Variants in LOC114841035 observed in about 807,000 individuals in gnomAD.
the LOC114841035 span, chr11:64,243,523 G>T: frequency 6.2e-7 from 1 of 1,612,822 alleles, no homozygotes; most frequent in Non-Finnish European, 8.5e-7. Flanking sequence ...TGAGGGTGCA[G>T]AGCGAGTTTG....
the LOC114841035 span, chr11:64,243,778 C>T: frequency 2.5e-6 from 4 of 1,600,894 alleles, no homozygotes; most frequent in Non-Finnish European, 3.4e-6. Flanking sequence ...GAACACTCTC[C>T]CTTTGCCCAC....
At chr11:64,243,594 A>G in the LOC114841035 span, 9 of 1,448,752 alleles carry the variant, frequency 6.2e-6, no homozygotes, top group African/African-American at 1.4e-5. Flanking sequence ...CACCGTATCC[A>G]TTCATTACAA....
chr11:64,242,147 G>A, the LOC114841035 span: 1 of 456,982 alleles, frequency 2.2e-6, no homozygotes, highest in Non-Finnish European at 3.9e-6. Context: ...CCTGGCTGCT[G>A]TGGCCTCCCC....
the LOC114841035 span, chr11:64,243,201 G>A: frequency 6.2e-7 from 1 of 1,613,630 alleles, no homozygotes; most frequent in Non-Finnish European, 8.5e-7. Flanking sequence ...TTCCACAGGG[G>A]AAGCTGGAAG....
chr11:64,242,275 G>T, the LOC114841035 span: 1 of 1,130,232 alleles, frequency 8.8e-7, no homozygotes, highest in Non-Finnish European at 1.2e-6. Flanking sequence ...GGATCCCCCG[G>T]GGCAAGGAAG....
chr11:64,243,268 G>C, the LOC114841035 span: 1 of 1,612,082 alleles, frequency 6.2e-7, no homozygotes, highest in Non-Finnish European at 8.5e-7. Context: ...CTTCTCCCTT[G>C]GCACAGGCCA....
At chr11:64,241,152 C>G in the LOC114841035 span, 1 of 152,080 alleles carries the variant, frequency 6.6e-6, no homozygotes, top group African/African-American at 2.4e-5. Flanking sequence ...GGCCACAGCC[C>G]GGGCTGGGGG....
chr11:64,241,915 T>C, the LOC114841035 span: 1 of 153,826 alleles, frequency 6.5e-6, no homozygotes, highest in Non-Finnish European at 1.5e-5. Context: ...CCAGTGGGGA[T>C]GTGTGGGTGC....
the LOC114841035 span, chr11:64,242,117 G>T: frequency 4.8e-6 from 2 of 419,344 alleles, no homozygotes; most frequent in Non-Finnish European, 4.3e-6. Flanking sequence ...AAGGTATGGG[G>T]GTGAGCAAAG....
chr11:64,243,023 G>C, the LOC114841035 span, among the ~76,000 whole-genome samples: 1 of 152,090 alleles, frequency 6.6e-6, no homozygotes, highest in South Asian at 2.1e-4. Flanking sequence ...AGGGAGGCGA[G>C]ATCACGCCGC....
chr11:64,242,292 T>C, the LOC114841035 span: 1 of 1,242,440 alleles, frequency 8.0e-7, no homozygotes, highest in Non-Finnish European at 1.1e-6. Context: ...GAAGATACAG[T>C]GGCGGTGGAA....
chr11:64,243,562 G>T, the LOC114841035 span: 20 of 1,583,678 alleles, frequency 1.3e-5, no homozygotes, highest in Non-Finnish European at 1.7e-5. Context: ...GGTGAAAGCT[G>T]CTTCAGCTTT....
the LOC114841035 span, chr11:64,242,634 C>G: frequency 6.9e-7 from 1 of 1,451,964 alleles, no homozygotes; most frequent in Non-Finnish European, 9.2e-7. Flanking sequence ...GTCTGGTTCT[C>G]CATAAGCCAG....
the LOC114841035 span, chr11:64,242,405 C>G: frequency 6.5e-7 from 1 of 1,543,786 alleles, no homozygotes; most frequent in Non-Finnish European, 8.7e-7. Flanking sequence ...TGAGCTGGTT[C>G]CGGGTCCTGA....
the LOC114841035 span, chr11:64,243,372 A>C: frequency 6.2e-7 from 1 of 1,605,182 alleles, no homozygotes. Flanking sequence ...CCAGGAGGTA[A>C]GCTGTGGGAG....
the LOC114841035 span, chr11:64,242,366 CG>C: frequency 1.3e-6 from 2 of 1,492,322 alleles, no homozygotes; most frequent in Non-Finnish European, 8.9e-7. Context: ...GTCGGTCGGT[CG>C]GGGTCTGTGC....
chr11:64,242,423 G>A, the LOC114841035 span: 2 of 1,557,196 alleles, frequency 1.3e-6, no homozygotes, highest in Non-Finnish European at 1.7e-6. Flanking sequence ...TGACAGTACT[G>A]TCCATCTGCC....
At chr11:64,243,555 G>A in the LOC114841035 span, 1 of 1,591,126 alleles carries the variant, frequency 6.3e-7, no homozygotes, top group East Asian at 2.2e-5. Context: ...TGGGAAGGGT[G>A]AAAGCTGCTT....
chr11:64,242,550 C>T, the LOC114841035 span: 2 of 1,543,090 alleles, frequency 1.3e-6, no homozygotes, highest in Non-Finnish European at 1.7e-6. Context: ...CCTGCACATG[C>T]ACTACACGGT....
Sources: allele counts gnomAD v4.1 joint callset (sites outside exome capture counted in the v4.1 genomes callset), GRCh38; gene constraint gnomAD v4.1.1; transcripts MANE v1.5.